Variants in CHST8 observed in about 807,000 individuals in gnomAD.
CHST8 encodes the protein GALNAC-4-ST1.
In CHST8, 10 loss-of-function variants were observed where a neutral mutation model predicts 15.0. The observed-to-expected ratio is 0.67, with a 90% CI of 0.41 to 1.13. The LOEUF (loss-of-function observed/expected upper bound fraction) is 1.13, where lower values mean the gene tolerates loss of function less well. Among genes scored for constraint, CHST8 ranks in the 50% most tolerant of loss-of-function variants. The pLI is 0.00. For missense variants in CHST8, 634 were observed against 608.2 expected (o/e 1.04, Z -0.45); for synonymous variants, 259 against 256.6 (o/e 1.01, Z -0.09).
At chr19:33,704,074 C>A (rs996159905) in intron 3 of CHST8, among the ~76,000 whole-genome samples, 41 of 152,120 alleles carry the variant, frequency 2.7e-4, no homozygotes, top group African/African-American at 9.4e-4. Context: ...TTTCAGCCCT[C>A]CCCAAAAGGC....
intron 1 of CHST8, among the ~76,000 whole-genome samples, chr19:33,661,991 G>A (rs915464367): frequency 3.9e-5 from 6 of 151,948 alleles, no homozygotes; most frequent in East Asian, 1.9e-4. Flanking sequence ...AGATGGGATC[G>A]CACCACTGCA....
intron 2 of CHST8, among the ~76,000 whole-genome samples, chr19:33,678,724 G>A (rs1972843340): frequency 6.6e-6 from 1 of 152,118 alleles, no homozygotes; most frequent in African/African-American, 2.4e-5. Context: ...GGGTAATAGA[G>A]TGACACCCTG....
intron 2 of CHST8, among the ~76,000 whole-genome samples, chr19:33,669,713 C>G (rs967958366): frequency 1.3e-5 from 2 of 152,110 alleles, no homozygotes; most frequent in Admixed American, 6.5e-5. Context: ...GTGAAGGCAG[C>G]CTGGAGTGCC....
At chr19:33,645,236 G>GGGGGCGGGGGACAGAGGTA in intron 1 of CHST8, among the ~76,000 whole-genome samples, 1 of 152,276 alleles carries the variant, frequency 6.6e-6, no homozygotes, top group East Asian at 1.9e-4. Flanking sequence ...ATGAGGCCGT[G>GGGGGCGGGGGACAGAGGTA]TGGGGGCGGG....
chr19:33,643,157 C>T (rs1972305488), intron 1 of CHST8, among the ~76,000 whole-genome samples: 1 of 152,214 alleles, frequency 6.6e-6, no homozygotes, highest in Non-Finnish European at 1.5e-5. Context: ...TTTAGTACTT[C>T]CCAACAAATC....
chr19:33,762,861 TC>T (rs66606699), intron 3 of CHST8, among the ~76,000 whole-genome samples: 18,695 of 148,576 alleles, frequency 0.13, 1,337 homozygotes, highest in African/African-American at 0.17. Flanking sequence ...CTCAGTTTTC[TC>T]TCTTTTTTTT....
intron 3 of CHST8, among the ~76,000 whole-genome samples, chr19:33,767,151 C>A (rs921779825): frequency 6.6e-6 from 1 of 152,236 alleles, no homozygotes; most frequent in Non-Finnish European, 1.5e-5. Flanking sequence ...CAAGAGTGAG[C>A]CACCTGGGGC....
chr19:33,636,200 C>T (rs1356597661), intron 1 of CHST8, among the ~76,000 whole-genome samples: 1 of 151,896 alleles, frequency 6.6e-6, no homozygotes, highest in Non-Finnish European at 1.5e-5. Context: ...TAATTTGATG[C>T]GGCAGACCTG....
intron 3 of CHST8, among the ~76,000 whole-genome samples, chr19:33,726,179 T>C (rs1008277682): frequency 7.9e-5 from 12 of 152,050 alleles, no homozygotes; most frequent in African/African-American, 2.9e-4. Context: ...GAAGGTGTGG[T>C]GGTAGATGGG....
chr19:33,745,659 C>T (rs1283087444), intron 3 of CHST8, among the ~76,000 whole-genome samples: 2 of 152,202 alleles, frequency 1.3e-5, no homozygotes, highest in Admixed American at 6.5e-5. Context: ...GGAGTGAGGG[C>T]ACCGGGTGGG....
chr19:33,649,520 C>G (rs1038847859), intron 1 of CHST8, among the ~76,000 whole-genome samples: 1 of 152,138 alleles, frequency 6.6e-6, no homozygotes, highest in Non-Finnish European at 1.5e-5. Context: ...ACGGGCTGGC[C>G]AAATACGCAT....
At chr19:33,664,047 A>G (rs1972619493) in intron 1 of CHST8, among the ~76,000 whole-genome samples, 1 of 152,170 alleles carries the variant, frequency 6.6e-6, no homozygotes, top group Non-Finnish European at 1.5e-5. Flanking sequence ...CTCTATTTAC[A>G]TATTTGTAAG....
chr19:33,682,569 C>T (rs1169258464), intron 2 of CHST8, among the ~76,000 whole-genome samples: 1 of 152,222 alleles, frequency 6.6e-6, no homozygotes, highest in East Asian at 1.9e-4. Context: ...GTTCCTCCTT[C>T]CAGTCCCTGG....
chr19:33,713,414 C>A (rs1269900697), intron 3 of CHST8, among the ~76,000 whole-genome samples: 1 of 152,132 alleles, frequency 6.6e-6, no homozygotes, highest in Admixed American at 6.5e-5. Context: ...CTCATGAACG[C>A]CACTGCAGCC....
intron 3 of CHST8, among the ~76,000 whole-genome samples, chr19:33,769,885 C>T (rs957031793): frequency 2.6e-5 from 4 of 152,100 alleles, no homozygotes; most frequent in African/African-American, 9.7e-5. Flanking sequence ...AGAGCATACC[C>T]TTGTTCCCAG....
intron 3 of CHST8, among the ~76,000 whole-genome samples, chr19:33,714,147 G>A (rs933794074): frequency 5.9e-5 from 9 of 151,998 alleles, no homozygotes; most frequent in African/African-American, 2.2e-4. Context: ...TTCCACTACC[G>A]GGCTATCTAC....
At chr19:33,702,013 G>A (rs913156844) in intron 3 of CHST8, among the ~76,000 whole-genome samples, 2 of 152,132 alleles carry the variant, frequency 1.3e-5, no homozygotes, top group Non-Finnish European at 2.9e-5. Context: ...TTTTGAGATG[G>A]AATCTCGCTG....
chr19:33,714,804 T>C (rs1973634032), intron 3 of CHST8, among the ~76,000 whole-genome samples: 1 of 152,246 alleles, frequency 6.6e-6, no homozygotes, highest in Admixed American at 6.5e-5. Context: ...TCTTGTTTGC[T>C]GCCATGTGAG....
chr19:33,659,353 C>G (rs1052994664), intron 1 of CHST8, among the ~76,000 whole-genome samples: 2 of 152,102 alleles, frequency 1.3e-5, no homozygotes, highest in African/African-American at 4.8e-5. Flanking sequence ...GTGTGAGCCA[C>G]CCCAACCAGC....
Sources: gnomAD v4.1 joint callset for allele counts (sites outside exome capture counted in the v4.1 genomes callset) on GRCh38, gnomAD v4.1.1 for gene constraint, MANE v1.5 for transcripts, NCBI Gene and HGNC (gene_info 2026-07-23, HGNC 2026-07-21) for gene names.